The following RAPGEFL1 variants were observed in gnomAD, a reference collection of about 807,000 sequenced individuals.
The protein encoded by RAPGEFL1 is Rap guanine nucleotide exchange factor like 1.
Under a neutral mutation model 64.4 loss-of-function variants are expected in RAPGEFL1, and 31 were observed. The observed-to-expected ratio is 0.48, with a 90% CI of 0.36 to 0.65. The LOEUF (loss-of-function observed/expected upper bound fraction) is 0.65. RAPGEFL1 is among the 30% of genes least tolerant of loss of function. The pLI is 0.00. For missense variants in RAPGEFL1, 682 were observed against 677.4 expected, an observed-to-expected ratio of 1.01 and a Z score of -0.08; for synonymous variants, 331 against 274.1, an observed-to-expected ratio of 1.21 and a Z score of -2.05.
intron 4 of RAPGEFL1, among the ~76,000 whole-genome samples, chr17:40,186,851 A>G (rs1312511941): frequency 6.6e-6 from 1 of 150,700 alleles, no homozygotes; most frequent in Non-Finnish European, 1.5e-5. Context: ...CCGAGATTGC[A>G]GCACTGCACG....
Position 40,190,524 on chromosome 17 carries a change from A to C in RAPGEFL1, c.1205A>C (p.Glu402Ala). The C allele has an allele frequency of 6.2e-7, 1 of 1,614,168 alleles. No homozygotes were observed. The highest frequency in any genetic ancestry group is 8.5e-7 in the Non-Finnish European group (1 of 1,180,022). Reference protein sequence around the residue: ...HLFACTRDSYEALVPLPEEIQ... With the variant: ...HLFACTRDSYAALVPLPEEIQ... ...TTTGCCTGTACTCGGGACAGCTATG[A>C]GGCTCTGGTAAGAACTTCCCAAGGC... The change falls in exon 7 of 15, where the codon GAG becomes GCG. Residue 402 changes from glutamate (E) to alanine (A), a missense_variant. Transcript: ENST00000620260.
At position 40,178,212 on chromosome 17, in the gene RAPGEFL1, G is replaced by A. The variant is rs971082352; in HGVS notation, c.351G>A (p.Gly117=). The change falls in exon 1 of 15, where the codon GGG becomes GGA. Residue 117 remains glycine (G), a synonymous_variant. Transcript: ENST00000620260. The part of the protein sequence containing the change: ...EVPGPGPLGG[G]GPLRSPSSYS... ...CGGGGCCCGGGCCTCTCGGGGGAGG[G>A]GGGCCCCTGCGCTCCCCTTCCTCCT... The A allele has an allele frequency of 1.2e-4, 68 of 574,098 alleles. No homozygotes were observed. Among genetic ancestry groups the A allele is most frequent in the South Asian group, 1.7e-4 (9 of 53,072 alleles). 35.6% of individuals were successfully genotyped at this position (574,098 alleles called of 1,614,324 possible). A position where few individuals can be genotyped will look rare whatever the true frequency, so the allele number is the denominator to read the frequency against.
Position 40,178,152 on chromosome 17 carries a change from C to CG in RAPGEFL1, c.297dup (p.Pro100AlafsTer30). The CG allele has an allele frequency of 3.6e-6, 2 of 549,884 alleles. No individual in the cohort carries two copies. The highest frequency in any genetic ancestry group is 6.4e-6 in the Non-Finnish European group (2 of 310,372). The allele number at this position is 549,884 out of a possible 1,614,324, so 34.1% of individuals were successfully genotyped here. A position where few individuals can be genotyped will look rare whatever the true frequency, so the allele number is the denominator to read the frequency against. ...CGGGGGTCGCGGAGGAGCCGGGCAG[C>CG]GGGGGGCCCTGCTGGCTGCAGCTGG... On this transcript the variant is annotated frameshift_variant, in exon 1 of 15. Coordinates refer to ENST00000620260, the MANE Select transcript of RAPGEFL1 (RefSeq NM_016339.6). LOFTEE classifies it high-confidence loss of function.
At chr17:40,177,165 T>C (rs1184553507), upstream of RAPGEFL1, 1 of 702,624 alleles carries the variant, frequency 1.4e-6, no homozygotes, top group South Asian at 1.5e-5. Context: ...CAGCAATCTG[T>C]AGGCCTGACT....
rs529955171 is a variant in RAPGEFL1, at chr17:40,178,124, C to T, written c.263C>T (p.Pro88Leu). ...EPPPEEEGGE[P>L]AGVAEEPGSG... is the part of the protein sequence containing the mutation. The stretch of plus-strand genomic sequence containing the variant: ...CCCCCTGAGGAGGAAGGAGGAGAGC[C>T]GGCGGGGGTCGCGGAGGAGCCGGGC... Residue 88 changes from proline (P) to leucine (L), a missense_variant, in exon 1 of 15, where the codon CCG (proline) becomes CTG (leucine). This residue lies in a region of RAPGEFL1 where 271 missense variants were observed against 158.0 expected (regional missense o/e 1.72). Coordinates refer to ENST00000620260, the MANE Select transcript of RAPGEFL1 (RefSeq NM_016339.6). The T allele has an allele frequency of 2.7e-5, 15 of 557,092 alleles. No homozygotes were observed. Among genetic ancestry groups the T allele is most frequent in the African/African-American group, 4.0e-5 (2 of 49,404 alleles). The allele number at this position is 557,092 out of a possible 1,614,324, so 34.5% of individuals were successfully genotyped here.
chr17:40,193,677 G>C lies in RAPGEFL1; in HGVS notation c.1878G>C (p.Glu626Asp), dbSNP rs769779550. 3 of 1,613,956 alleles carry C rather than the reference G, an allele frequency of 1.9e-6. No individual in the cohort carries two copies. The East Asian group carries it at 6.7e-5, about 36-fold the overall frequency. Residue 626 changes from glutamate (E) to aspartate (D), a missense_variant, in exon 15 of 15, where the codon GAG (glutamate) becomes GAC (aspartate). This residue lies in a region of RAPGEFL1 where 411 missense variants were observed against 519.4 expected (regional missense o/e 0.79). Transcript: ENST00000620260. Reference protein sequence around the residue: ...YRSRPLCLDMEASPNHLQTKA... With the variant: ...YRSRPLCLDMDASPNHLQTKA... ...TTTACCCACTAGGCCTGGACATGGA[G>C]GCATCCCCCAATCACCTGCAGACCA...
intron 1 of RAPGEFL1, among the ~76,000 whole-genome samples, chr17:40,179,514 C>T (rs1192300726): frequency 6.6e-6 from 1 of 151,540 alleles, no homozygotes; most frequent in East Asian, 1.9e-4. Flanking sequence ...GCCACCGGAC[C>T]TGGCACACGG....
rs757764025 is a variant in RAPGEFL1 at position 40,184,717 on chromosome 17, G to C, written c.833+39G>C. On this transcript the variant is annotated intron_variant, in intron 4 of 14. Coordinates refer to ENST00000620260, the MANE Select transcript of RAPGEFL1 (RefSeq NM_016339.6). The stretch of plus-strand genomic sequence containing the variant: ...GGGCAGGGGCGGGAACAGGAAAGTG[G>C]TCCCCTGCGTTCCTCTACTACAGGG... 4.0e-5 allele frequency: 52 copies of C among 1,288,214 alleles called. 2 individuals are homozygous for C. In the South Asian group the frequency reaches 5.6e-4, roughly 14 times the overall value. 79.8% of individuals were successfully genotyped at this position (1,288,214 alleles called of 1,614,324 possible).
In RAPGEFL1 at chr17:40,181,747, C is replaced by G. The variant is rs183339165; in HGVS notation, c.599+53C>G. On this transcript the variant is annotated intron_variant, in intron 2 of 14. Coordinates refer to ENST00000620260, the MANE Select transcript of RAPGEFL1 (RefSeq NM_016339.6). Reference sequence around the variant, plus strand: ...AGAGGTCAGAAGGGAGCCACTCCCTCCGTCCCACATGCAATCTCAGAGCCT... The same window carrying G: ...AGAGGTCAGAAGGGAGCCACTCCCTGCGTCCCACATGCAATCTCAGAGCCT... 2.4e-5 allele frequency: 17 copies of G among 698,126 alleles called. No individual in the cohort carries two copies. The East Asian group carries it at 3.8e-4, about 16-fold the overall frequency. 43.2% of individuals were successfully genotyped at this position (698,126 alleles called of 1,614,324 possible).
chr17:40,188,508 A>T, intron 4 of RAPGEFL1: 1 of 296,878 alleles, frequency 3.4e-6, no homozygotes, highest in Non-Finnish European at 6.5e-6. Context: ...GTGGATGAAA[A>T]GATACTCAGT....
intron 1 of RAPGEFL1, among the ~76,000 whole-genome samples, chr17:40,179,346 G>A (rs142369792): frequency 0.011 from 1,621 of 152,218 alleles, 28 homozygotes; most frequent in African/African-American, 0.037. Flanking sequence ...GATTACAGGC[G>A]TGAGCCACTG....
chr17:40,192,464 C>T, intron 11 of RAPGEFL1, 142 bp from the exon 12 acceptor site: 1 of 907,132 alleles, frequency 1.1e-6, no homozygotes, highest in African/African-American at 1.7e-5. Context: ...TCAGGTCCCT[C>T]CCCACCACAC....
Position 40,191,745 on chromosome 17 carries a change from C to T in RAPGEFL1, c.1605+73C>T. On this transcript the variant is annotated intron_variant, in intron 10 of 14. Coordinates refer to ENST00000620260, the MANE Select transcript of RAPGEFL1 (RefSeq NM_016339.6). The surrounding 1 kb of genome is among the most constrained non-coding windows in gnomAD (Gnocchi z 5.1). ...CTCCCCGAAGTGCGTCCTCCCGGGA[C>T]GGCCGCCGGCCTGGAGGGAGTCTTT... The T allele has an allele frequency of 4.2e-6, 6 of 1,443,736 alleles. No homozygotes were observed. The highest frequency in any genetic ancestry group is 1.4e-5 in the African/African-American group (1 of 71,314). The allele number at this position is 1,443,736 out of a possible 1,614,324, so 89.4% of individuals were successfully genotyped here.
At chr17:40,184,145 A>G in intron 2 of RAPGEFL1, 69 bp from the exon 3 acceptor site, 2 of 1,183,994 alleles carry the variant, frequency 1.7e-6, no homozygotes, top group Non-Finnish European at 2.5e-6. Flanking sequence ...CGCCCAGCCT[A>G]GCCTCCCATC....
At chr17:40,181,468 G>A (rs1307622334) in intron 1 of RAPGEFL1, 148 bp from the exon 2 acceptor site, 7 of 672,772 alleles carry the variant, frequency 1.0e-5, no homozygotes, top group South Asian at 3.0e-5. Context: ...ATGTGTGCGC[G>A]TGTGCAGAGC....
chr17:40,181,421 C>T (rs1297000769), intron 1 of RAPGEFL1, 195 bp from the exon 2 acceptor site: 1 of 659,934 alleles, frequency 1.5e-6, no homozygotes, highest in Admixed American at 2.1e-5. Context: ...CTGCCGAACC[C>T]ACCCTCGCAG....
chr17:40,188,685 G>C (rs1378007064), intron 4 of RAPGEFL1, 181 bp from the exon 5 acceptor site: 6 of 606,838 alleles, frequency 9.9e-6, no homozygotes, highest in Non-Finnish European at 1.8e-5. Flanking sequence ...TTTGATTAGG[G>C]TTACTTGGAT....
At chr17:40,189,136 AC>A in intron 5 of RAPGEFL1, 71 bp from the exon 6 acceptor site, 1 of 1,541,700 alleles carries the variant, frequency 6.5e-7, no homozygotes, top group Non-Finnish European at 8.9e-7. Context: ...GAATAGAGGC[AC>A]CCTGGAGGAG....
intron 4 of RAPGEFL1, among the ~76,000 whole-genome samples, chr17:40,185,443 G>C (rs909822008): frequency 1.3e-5 from 2 of 150,448 alleles, no homozygotes; most frequent in African/African-American, 4.9e-5. Flanking sequence ...ACTTTGGGAG[G>C]TCAAGATGGG....
Sources: gnomAD v4.1 joint callset for allele counts (sites outside exome capture counted in the v4.1 genomes callset) on GRCh38, gnomAD v4.1.1 for gene constraint, gnomAD v4.1.1 regional missense constraint, Gnocchi (gnomAD v3.1) non-coding constraint, MANE v1.5 for transcripts, NCBI Gene and HGNC (gene_info 2026-07-23, HGNC 2026-07-21) for gene names.